The following DLGAP2 variants were observed in gnomAD, a reference collection of about 807,000 sequenced individuals.
The protein encoded by DLGAP2 is DLG associated protein 2, also known as disks large-associated protein 2.
Under a neutral mutation model 100.3 loss-of-function variants are expected in DLGAP2, and 26 were observed. That is an observed-to-expected ratio of 0.26 (90% confidence interval 0.19 to 0.36). The LOEUF is 0.36. Ranked by LOEUF, DLGAP2 falls within the 10% of genes least tolerant of loss-of-function variation. The probability of loss-of-function intolerance (pLI) is 1.00; values close to 1 mark genes in which losing one functional copy is unlikely to be tolerated. For missense variants in DLGAP2, 1,858 were observed against 1,453.2 expected (o/e 1.28, Z -4.53); for synonymous variants, 886 against 630.1 (o/e 1.41, Z -6.08).
intron 1 of DLGAP2, among the ~76,000 whole-genome samples, chr8:827,707 A>G (rs1039079230): frequency 6.6e-6 from 1 of 152,222 alleles, no homozygotes; most frequent in Non-Finnish European, 1.5e-5. Context: ...GTAGAAATCT[A>G]ATTTATTTTG....
At chr8:1,689,218 G>A (rs1440847986) in intron 12 of DLGAP2, among the ~76,000 whole-genome samples, 4 of 152,178 alleles carry the variant, frequency 2.6e-5, no homozygotes, top group Non-Finnish European at 4.4e-5. Flanking sequence ...GCCAGCAGGG[G>A]CATCTCCTAA....
At chr8:898,740 G>A (rs1197098465) in intron 1 of DLGAP2, among the ~76,000 whole-genome samples, 3 of 152,180 alleles carry the variant, frequency 2.0e-5, no homozygotes, top group African/African-American at 4.8e-5. Context: ...CACAAAGCAC[G>A]TGGAAGCTGT....
At chr8:1,512,602 C>T (rs1800208503) in intron 4 of DLGAP2, among the ~76,000 whole-genome samples, 1 of 152,042 alleles carries the variant, frequency 6.6e-6, no homozygotes, top group African/African-American at 2.4e-5. Context: ...GAAATGCCTG[C>T]ACTGAGGCTG....
intron 6 of DLGAP2, among the ~76,000 whole-genome samples, chr8:1,618,335 T>C (rs1017323396): frequency 6.6e-6 from 1 of 152,180 alleles, no homozygotes; most frequent in African/African-American, 2.4e-5. Flanking sequence ...AATTGGAAAA[T>C]GCAGTTAGTT....
chr8:1,664,467 T>A (rs2130831297), intron 8 of DLGAP2, among the ~76,000 whole-genome samples: 1 of 152,280 alleles, frequency 6.6e-6, no homozygotes, highest in Admixed American at 6.5e-5. Context: ...CTTTTCAGTG[T>A]GATTATGGAG....
chr8:1,557,296 T>G (rs901283400), intron 5 of DLGAP2, among the ~76,000 whole-genome samples: 1 of 151,648 alleles, frequency 6.6e-6, no homozygotes, highest in Non-Finnish European at 1.5e-5. Flanking sequence ...GGGCTCACAA[T>G]AGGGGCTTTC....
intron 3 of DLGAP2, among the ~76,000 whole-genome samples, chr8:1,314,272 C>T (rs1303747918): frequency 1.3e-5 from 2 of 152,170 alleles, no homozygotes; most frequent in African/African-American, 2.4e-5. Flanking sequence ...TACTTTTGGT[C>T]ACTGACCCTT....
chr8:1,346,613 G>A (rs1386458704), intron 3 of DLGAP2, among the ~76,000 whole-genome samples: 1 of 151,732 alleles, frequency 6.6e-6, no homozygotes, highest in African/African-American at 2.4e-5. Context: ...TAGCTGTGTG[G>A]AGGTTGAGTT....
chr8:1,158,731 G>A (rs144668038), intron 2 of DLGAP2, among the ~76,000 whole-genome samples: 9 of 152,192 alleles, frequency 5.9e-5, no homozygotes, highest in African/African-American at 2.2e-4. Flanking sequence ...CCAGAGCCAC[G>A]CGGGTCCTGG....
chr8:1,169,933 G>A (rs1329640307), intron 2 of DLGAP2, among the ~76,000 whole-genome samples: 1 of 151,986 alleles, frequency 6.6e-6, no homozygotes, highest in Non-Finnish European at 1.5e-5. Flanking sequence ...AATAGGAGTG[G>A]TGAGAGAGGG....
intron 3 of DLGAP2, among the ~76,000 whole-genome samples, chr8:1,391,544 C>A (rs1315678631): frequency 6.6e-6 from 1 of 152,132 alleles, no homozygotes; most frequent in Non-Finnish European, 1.5e-5. Context: ...GTGTTTTTAT[C>A]AGTTGGAGCG....
chr8:1,495,544 G>A (rs1029482872), intron 3 of DLGAP2, among the ~76,000 whole-genome samples: 5 of 152,224 alleles, frequency 3.3e-5, no homozygotes, highest in East Asian at 1.9e-4. Context: ...CTGGCCCGGC[G>A]AGGTCGGTGT....
chr8:758,587 G>C (rs1403051138), intron 1 of DLGAP2, among the ~76,000 whole-genome samples: 7 of 152,020 alleles, frequency 4.6e-5, no homozygotes, highest in Non-Finnish European at 8.8e-5. Flanking sequence ...TTTGAGACAG[G>C]GTCTTATTCT....
intron 1 of DLGAP2, among the ~76,000 whole-genome samples, chr8:865,068 A>G (rs900899179): frequency 2.0e-5 from 3 of 152,182 alleles, no homozygotes; most frequent in Non-Finnish European, 2.9e-5. Flanking sequence ...ATTGTTTTCA[A>G]TCTCAGCTAT....
chr8:1,669,809 G>T, intron 10 of DLGAP2, 25 bp downstream of exon 10: 1 of 780,908 alleles, frequency 1.3e-6, no homozygotes, highest in East Asian at 2.4e-5. Flanking sequence ...GTGCTCCAAA[G>T]CCGCGTCCGC....
intron 3 of DLGAP2, among the ~76,000 whole-genome samples, chr8:1,346,841 C>G (rs559665178): frequency 3.7e-4 from 57 of 152,066 alleles, no homozygotes; most frequent in African/African-American, 1.3e-3. Context: ...CTGCATTGCA[C>G]TCATGGTAGC....
At chr8:1,497,865 C>T (rs746305368) in intron 3 of DLGAP2, among the ~76,000 whole-genome samples, 1 of 152,202 alleles carries the variant, frequency 6.6e-6, no homozygotes, top group African/African-American at 2.4e-5. Context: ...AAGAGTTGAA[C>T]TCTGTAAAGT....
chr8:1,299,338 C>T (rs1800274205), intron 3 of DLGAP2, among the ~76,000 whole-genome samples: 1 of 152,210 alleles, frequency 6.6e-6, no homozygotes, highest in South Asian at 2.1e-4. Context: ...GTGTCTCCAC[C>T]ATACAAGGGA....
chr8:874,697 A>T (rs988509564), intron 1 of DLGAP2, among the ~76,000 whole-genome samples: 19 of 152,090 alleles, frequency 1.2e-4, no homozygotes, highest in Admixed American at 4.6e-4. Context: ...CTGTTGTTGG[A>T]TGGAATGTTG....
Sources: gnomAD v4.1 joint callset for allele counts (sites outside exome capture counted in the v4.1 genomes callset) on GRCh38, gnomAD v4.1.1 for gene constraint, MANE v1.5 for transcripts, NCBI Gene and HGNC (gene_info 2026-07-23, HGNC 2026-07-21) for gene names.